DIAPH2: variants seen among roughly 807,000 people sequenced by gnomAD.
DIAPH2 encodes diaphanous related formin 2, also known as protein diaphanous homolog 2.
A neutral mutation model predicts 92.7 loss-of-function variants in DIAPH2; 35 were observed. The observed-to-expected ratio is 0.38, with a 90% confidence interval of 0.29 to 0.50. The LOEUF (loss-of-function observed/expected upper bound fraction) is 0.50. Among genes scored for constraint, DIAPH2 ranks in the 20% least tolerant of loss-of-function variants. The probability of loss-of-function intolerance (pLI) is 0.94; values close to 1 mark genes in which losing one functional copy is unlikely to be tolerated. For synonymous variants in DIAPH2, 301 were observed against 280.4 expected, an observed-to-expected ratio of 1.07 and a Z score of -0.73; for missense variants, 701 against 819.5, an observed-to-expected ratio of 0.86 and a Z score of 1.77.
intron 14 of DIAPH2, among the ~76,000 whole-genome samples, chrX:96,947,075 T>C: frequency 8.9e-6 from 1 of 111,907 alleles, no homozygotes; most frequent in Admixed American, 9.5e-5. Context: ...TCTCTTTAGA[T>C]CTTAGTTTCT....
intron 16 of DIAPH2, among the ~76,000 whole-genome samples, chrX:96,959,754 T>C (rs976559972): frequency 3.6e-5 from 4 of 111,799 alleles, no homozygotes; most frequent in African/African-American, 1.3e-4. Context: ...TCTCAGGTCT[T>C]ATGCTTAAGT....
At chrX:97,076,541 GAAACA>G (rs1398731867) in intron 19 of DIAPH2, among the ~76,000 whole-genome samples, 8 of 111,289 alleles carry the variant, frequency 7.2e-5, no homozygotes, top group Non-Finnish European at 1.1e-4. Flanking sequence ...AAAAAAAAAT[GAAACA>G]AAACAAAACA....
At chrX:97,525,681 AG>A (rs1351492203) in intron 26 of DIAPH2, among the ~76,000 whole-genome samples, 3 of 112,627 alleles carry the variant, frequency 2.7e-5, no homozygotes, top group African/African-American at 9.7e-5. Context: ...CTTGAGGTAC[AG>A]TATAAGTATA....
chrX:96,880,067 G>A (rs781350199), intron 4 of DIAPH2, among the ~76,000 whole-genome samples: 21 of 111,690 alleles, frequency 1.9e-4, no homozygotes, highest in Non-Finnish European at 3.9e-4. Flanking sequence ...GTCTCATAAC[G>A]AAGCAAGAAA....
intron 26 of DIAPH2, among the ~76,000 whole-genome samples, chrX:97,565,792 T>C (rs1811339105): frequency 8.9e-6 from 1 of 111,860 alleles, no homozygotes. Context: ...CCACCTAAGT[T>C]TTTAGAGATA....
At chrX:97,443,409 G>C (rs2070279562) in intron 26 of DIAPH2, among the ~76,000 whole-genome samples, 1 of 112,090 alleles carries the variant, frequency 8.9e-6, no homozygotes, top group African/African-American at 3.2e-5. Context: ...TTAAAAGATT[G>C]TGATTTATTT....
intron 26 of DIAPH2, among the ~76,000 whole-genome samples, chrX:97,462,929 C>T (rs757329953): frequency 9.0e-6 from 1 of 111,048 alleles, no homozygotes; most frequent in East Asian, 2.8e-4. Context: ...TAATTTTGTA[C>T]AAAAAGTTAA....
chrX:97,363,306 GTTAA>G (rs1269048449), intron 24 of DIAPH2, among the ~76,000 whole-genome samples: 1 of 111,600 alleles, frequency 9.0e-6, no homozygotes, highest in Non-Finnish European at 1.9e-5. Flanking sequence ...AATTAAGCAA[GTTAA>G]AACCTTTCCT....
intron 24 of DIAPH2, among the ~76,000 whole-genome samples, chrX:97,359,900 A>G (rs183568920): frequency 1.7e-3 from 193 of 111,664 alleles, no homozygotes; most frequent in African/African-American, 6.2e-3. Flanking sequence ...ATAATGAGGC[A>G]GCTACTATTT....
chrX:96,878,914 G>A (rs2065195654), intron 4 of DIAPH2, among the ~76,000 whole-genome samples: 1 of 111,657 alleles, frequency 9.0e-6, no homozygotes, highest in African/African-American at 3.3e-5. Context: ...ATAATATTCT[G>A]AAGCAAAACT....
chrX:97,545,533 A>AAAAAT (rs1260118151), intron 26 of DIAPH2, among the ~76,000 whole-genome samples: 39 of 79,328 alleles, frequency 4.9e-4, no homozygotes, highest in African/African-American at 1.9e-3. Context: ...AAAAAAAAAA[A>AAAAAT]ATATATATAT....
chrX:97,386,964 G>A (rs2069608537), intron 25 of DIAPH2, among the ~76,000 whole-genome samples: 1 of 111,453 alleles, frequency 9.0e-6, no homozygotes, highest in Admixed American at 9.6e-5. Flanking sequence ...TCTTAATGCT[G>A]AAAGCTATGG....
At chrX:96,757,614 CTAA>C (rs1181863974) in intron 3 of DIAPH2, among the ~76,000 whole-genome samples, 3 of 112,527 alleles carry the variant, frequency 2.7e-5, no homozygotes. Flanking sequence ...ACTTTTCCTT[CTAA>C]TGAGTGACAT....
intron 12 of DIAPH2, among the ~76,000 whole-genome samples, chrX:96,941,624 C>T (rs1397106561): frequency 9.0e-6 from 1 of 111,384 alleles, no homozygotes; most frequent in Non-Finnish European, 1.9e-5. Flanking sequence ...AAACTCATCC[C>T]TTATTGAAAT....
At chrX:97,384,868 A>AAAATAAATAAAT (rs545581528) in intron 25 of DIAPH2, among the ~76,000 whole-genome samples, 120 of 107,832 alleles carry the variant, frequency 1.1e-3, no homozygotes, top group African/African-American at 3.7e-3. Context: ...TGTATCTCAA[A>AAAATAAATAAAT]AAATAAATAA....
In DIAPH2 at chrX:97,058,373, C is replaced by T. The variant is rs112899390; in HGVS notation, c.2051-14568C>T. Among the ~76,000 whole-genome samples, 830 of 110,081 alleles carry T rather than the reference C, an allele frequency of 7.5e-3. 11 individuals carry two copies. The highest frequency in any genetic ancestry group is 0.026 in the African/African-American group (792 of 30,264). ...TCTATTCAGCAAATGTTTCTATTCC[C>T]TTTCTCATTTCTTGTAATATGGCTT... On this transcript the variant is annotated intron_variant, in intron 17 of 26. Transcript: ENST00000324765.
intron 22 of DIAPH2, among the ~76,000 whole-genome samples, chrX:97,153,476 T>C (rs1230185647): frequency 2.7e-5 from 3 of 109,725 alleles, no homozygotes; most frequent in Non-Finnish European, 5.7e-5. Flanking sequence ...TCCCAGCTAC[T>C]TGGGAGGTTG....
intron 10 of DIAPH2, among the ~76,000 whole-genome samples, chrX:96,936,073 C>T (rs1172947897): frequency 1.8e-5 from 2 of 111,491 alleles, no homozygotes; most frequent in Admixed American, 9.6e-5. Flanking sequence ...AAAACTAGAG[C>T]TAAAGCAAGT....
chrX:97,312,626 G>T (rs1361535212), intron 23 of DIAPH2, among the ~76,000 whole-genome samples: 2 of 111,029 alleles, frequency 1.8e-5, no homozygotes, highest in Non-Finnish European at 3.8e-5. Context: ...TGGGATTACG[G>T]GCATCGGCCA....
Sources: gnomAD v4.1 joint callset for allele counts (sites outside exome capture counted in the v4.1 genomes callset) on GRCh38, gnomAD v4.1.1 for gene constraint, MANE v1.5 for transcripts, NCBI Gene and HGNC (gene_info 2026-07-23, HGNC 2026-07-21) for gene names.